FERMT1: variants seen among roughly 807,000 people sequenced by gnomAD.
FERMT1 encodes fermitin family homolog 1.
In FERMT1, 60 loss-of-function variants were observed where a neutral mutation model predicts 85.3. The observed-to-expected ratio is 0.70, with a 90% CI of 0.57 to 0.87. The LOEUF is 0.87. Among genes scored for constraint, FERMT1 ranks in the 40% least tolerant of loss-of-function variants. The pLI is 0.00. For missense variants in FERMT1, 701 were observed against 818.9 expected (o/e 0.86, Z 1.76); for synonymous variants, 275 against 301.1 (o/e 0.91, Z 0.90).
At chr20:6,121,972 T>C (rs944506685) in intron 1 of FERMT1, among the ~76,000 whole-genome samples, 2 of 152,250 alleles carry the variant, frequency 1.3e-5, no homozygotes, top group African/African-American at 2.4e-5. Flanking sequence ...GACTTTAAGA[T>C]CCTTACAATT....
intron 13 of FERMT1, among the ~76,000 whole-genome samples, chr20:6,082,449 C>G (rs888481632): frequency 1.3e-5 from 2 of 152,106 alleles, no homozygotes; most frequent in Non-Finnish European, 2.9e-5. Context: ...TTTCACTATG[C>G]GGGGTTGACT....
chr20:6,121,276 C>T (rs1043111662), intron 1 of FERMT1, among the ~76,000 whole-genome samples: 8 of 152,204 alleles, frequency 5.3e-5, no homozygotes, highest in African/African-American at 1.9e-4. Context: ...CGTGTGCCAC[C>T]ACGCCCGGTT....
intron 11 of FERMT1, among the ~76,000 whole-genome samples, chr20:6,086,206 G>T (rs1014296860): frequency 6.6e-6 from 1 of 151,368 alleles, no homozygotes; most frequent in South Asian, 2.1e-4. Flanking sequence ...TGGTGAAACC[G>T]CAAACTGTCA....
Position 6,115,966 on chromosome 20 carries a change from A to C in FERMT1, c.230T>G (p.Leu77Arg). ...ATCTGCCTGGACCCCATATTTGTCC[A>C]GGGTCCAGTGGGTTTTCAGAAGCCA... Reference protein sequence around the residue: ...HCWLLKTHWTLDKYGVQADAK... With the variant: ...HCWLLKTHWTRDKYGVQADAK... The change falls in exon 3 of 15, where the codon CTG becomes CGG. Residue 77 changes from leucine to arginine, a missense_variant. Transcript: ENST00000217289. 6.2e-7 allele frequency: 1 copy of C among 1,614,220 alleles called. No individual in the cohort carries two copies. The highest frequency in any genetic ancestry group is 1.3e-5 in the African/African-American group (1 of 75,064).
chr20:6,083,770 T>C (rs1187020754), intron 13 of FERMT1, among the ~76,000 whole-genome samples: 1 of 151,132 alleles, frequency 6.6e-6, no homozygotes, highest in East Asian at 1.9e-4. Context: ...GTTTACCCTC[T>C]GGTTTTGGAA....
intron 8 of FERMT1, among the ~76,000 whole-genome samples, chr20:6,096,473 C>T (rs1352577125): frequency 2.0e-5 from 3 of 152,096 alleles, no homozygotes. Context: ...TGCAGTGAGC[C>T]TTGATTGCAC....
Position 6,110,322 on chromosome 20 carries a change from A to G in FERMT1, c.722T>C (p.Val241Ala), listed in dbSNP as rs55666319. The G allele has an allele frequency of 0.048, 76,977 of 1,612,938 alleles. 2,084 individuals carry two copies. The highest frequency in any genetic ancestry group is 0.074 in the South Asian group (6,692 of 91,028). ...LADMYQPRSL[V>A]DKAKLNAGWL... ...CCCTGCATTGAGCTTGGCTTTATCA[A>G]CCAGAGACCGAGGCTGGTACATATC... Residue 241 changes from valine (V) to alanine (A), a missense_variant, in exon 5 of 15, where the codon GTT becomes GCT. Coordinates refer to ENST00000217289, the MANE Select transcript of FERMT1 (RefSeq NM_017671.5).
chr20:6,101,819 A>AT (rs1334735423), intron 6 of FERMT1, among the ~76,000 whole-genome samples: 6 of 151,318 alleles, frequency 4.0e-5, no homozygotes, highest in Non-Finnish European at 7.4e-5. Context: ...TGCTCCGCTA[A>AT]TTTTTTTTGT....
chr20:6,112,733 GTAAATGGGAC>G (rs1259755529), intron 3 of FERMT1, 110 bp from the exon 4 acceptor site: 3 of 784,072 alleles, frequency 3.8e-6, no homozygotes, highest in Non-Finnish European at 5.8e-6. Flanking sequence ...TTTCTGAAAA[GTAAATGGGAC>G]TAAACTGCAT....
At chr20:6,088,154 CAT>C (rs1252009086) in intron 10 of FERMT1, among the ~76,000 whole-genome samples, 1 of 152,126 alleles carries the variant, frequency 6.6e-6, no homozygotes, top group African/African-American at 2.4e-5. Flanking sequence ...TCTCCAAACT[CAT>C]AGAAAAAATT....
intron 4 of FERMT1, 150 bp from the exon 5 acceptor site, chr20:6,110,661 C>A: frequency 2.9e-6 from 2 of 698,382 alleles, no homozygotes; most frequent in Non-Finnish European, 5.0e-6. Context: ...CACTGTGGCC[C>A]GCGTCTATAA....
At chr20:6,077,976 G>A (rs113984651) in intron 14 of FERMT1, among the ~76,000 whole-genome samples, 2 of 149,918 alleles carry the variant, frequency 1.3e-5, no homozygotes, top group Admixed American at 6.6e-5. Context: ...CACTGCACCC[G>A]GCCTGCAGGC....
At chr20:6,118,173 G>T (rs547199683) in intron 2 of FERMT1, among the ~76,000 whole-genome samples, 2 of 152,124 alleles carry the variant, frequency 1.3e-5, no homozygotes, top group African/African-American at 2.4e-5. Flanking sequence ...AATAATTGTG[G>T]CATATTCATA....
intron 13 of FERMT1, among the ~76,000 whole-genome samples, chr20:6,083,021 C>G (rs1982044306): frequency 6.6e-6 from 1 of 152,042 alleles, no homozygotes; most frequent in Admixed American, 6.6e-5. Context: ...TGGAAAGGGC[C>G]AAGAAAACAA....
At chr20:6,109,805 G>A (rs923734145) in intron 5 of FERMT1, among the ~76,000 whole-genome samples, 1 of 151,704 alleles carries the variant, frequency 6.6e-6, no homozygotes, top group African/African-American at 2.4e-5. Flanking sequence ...GAAAGCTGAG[G>A]CAGGAGAATT....
chr20:6,086,990 G>C (rs1049262743), intron 11 of FERMT1, among the ~76,000 whole-genome samples: 4 of 152,160 alleles, frequency 2.6e-5, no homozygotes, highest in Non-Finnish European at 5.9e-5. Flanking sequence ...CCACCAGGGA[G>C]GAATTCCCAT....
At chr20:6,105,123 A>G (rs1982762567) in intron 6 of FERMT1, among the ~76,000 whole-genome samples, 1 of 152,176 alleles carries the variant, frequency 6.6e-6, no homozygotes, top group Non-Finnish European at 1.5e-5. Context: ...CTCTGTCTCC[A>G]AGGACTTGAT....
chr20:6,090,319 C>T (rs1167775014), intron 9 of FERMT1, among the ~76,000 whole-genome samples: 11 of 151,916 alleles, frequency 7.2e-5, no homozygotes, highest in Non-Finnish European at 4.4e-5. Context: ...GTGATCTGCC[C>T]GCCTCGGCCT....
chr20:6,083,828 C>T lies in FERMT1; in HGVS notation c.1718+212G>A, dbSNP rs142764586. ...CCTCCTTTTAAAATTTCCTTTCCCA[C>T]ATTTAGCTGAGTTTCAGGGGTATTG... is the stretch of plus-strand genomic sequence containing the variant. On this transcript the variant is annotated intron_variant, in intron 13 of 14. Coordinates refer to ENST00000217289, the MANE Select transcript of FERMT1 (RefSeq NM_017671.5). Among the ~76,000 whole-genome samples, 35 of 152,038 alleles carry T rather than the reference C, an allele frequency of 2.3e-4. 1 individual carries two copies. In the East Asian group the frequency reaches 6.6e-3, roughly 29 times the overall value.
Sources: gnomAD v4.1 joint callset for allele counts (sites outside exome capture counted in the v4.1 genomes callset) on GRCh38, gnomAD v4.1.1 for gene constraint, MANE v1.5 for transcripts, NCBI Gene and HGNC (gene_info 2026-07-23, HGNC 2026-07-21) for gene names.